The following GPR39 variants were observed in gnomAD, a reference collection of about 807,000 sequenced individuals.
The protein encoded by GPR39 is G protein-coupled receptor 39.
In GPR39, 23 loss-of-function variants were observed where a neutral mutation model predicts 18.4. The observed-to-expected ratio is 1.25, with a 90% CI of 0.90 to 1.77. The LOEUF (loss-of-function observed/expected upper bound fraction) is 1.77. GPR39 is among the 40% of genes most tolerant of loss of function. GPR39 has a pLI of 0.00. For synonymous variants in GPR39, 280 were observed against 257.9 expected (o/e 1.09, Z -0.82); for missense variants, 647 against 602.4 (o/e 1.07, Z -0.78).
intron 1 of GPR39, among the ~76,000 whole-genome samples, chr2:132,547,665 C>T (rs1679974123): frequency 6.6e-6 from 1 of 152,090 alleles, no homozygotes; most frequent in Non-Finnish European, 1.5e-5. Flanking sequence ...AATCTATCTC[C>T]CTCCCTGAGT....
At chr2:132,534,962 A>G (rs1679724166) in intron 1 of GPR39, among the ~76,000 whole-genome samples, 1 of 151,260 alleles carries the variant, frequency 6.6e-6, no homozygotes, top group Admixed American at 6.6e-5. Context: ...GACGTTGTGC[A>G]CATGTACCCT....
chr2:132,510,580 T>A (rs1679221997), intron 1 of GPR39, among the ~76,000 whole-genome samples: 1 of 152,164 alleles, frequency 6.6e-6, no homozygotes, highest in Non-Finnish European at 1.5e-5. Context: ...CTTAGCACAG[T>A]TTCCAAGTGT....
At chr2:132,584,903 T>C (rs1680697712) in intron 1 of GPR39, among the ~76,000 whole-genome samples, 1 of 152,162 alleles carries the variant, frequency 6.6e-6, no homozygotes, top group Non-Finnish European at 1.5e-5. Context: ...GAGAGAGCAT[T>C]TCTGGAGACA....
intron 1 of GPR39, among the ~76,000 whole-genome samples, chr2:132,641,282 C>G (rs1681852298): frequency 6.6e-6 from 1 of 152,162 alleles, no homozygotes; most frequent in Admixed American, 6.5e-5. Context: ...TAACCCTGTT[C>G]CTCGCTATAG....
At chr2:132,603,265 A>G (rs1433075494) in intron 1 of GPR39, among the ~76,000 whole-genome samples, 1 of 152,226 alleles carries the variant, frequency 6.6e-6, no homozygotes, top group Admixed American at 6.5e-5. Context: ...AGTTAAGTGA[A>G]ATATCGGGCA....
At chr2:132,589,427 G>C (rs1000750570) in intron 1 of GPR39, among the ~76,000 whole-genome samples, 2 of 152,224 alleles carry the variant, frequency 1.3e-5, no homozygotes, top group African/African-American at 4.8e-5. Flanking sequence ...TCTAGGCAGA[G>C]ATGTAATTTC....
intron 1 of GPR39, among the ~76,000 whole-genome samples, chr2:132,490,502 A>C (rs930322932): frequency 6.6e-6 from 1 of 151,994 alleles, no homozygotes; most frequent in Non-Finnish European, 1.5e-5. Context: ...AGGGTTTGAT[A>C]GTGAAAAAGA....
At chr2:132,453,639 C>T (rs554405740) in intron 1 of GPR39, among the ~76,000 whole-genome samples, 2 of 152,280 alleles carry the variant, frequency 1.3e-5, no homozygotes, top group African/African-American at 4.8e-5. Context: ...TTTAATCCAT[C>T]TTGAATTAAT....
chr2:132,574,265 A>G (rs1573675835), intron 1 of GPR39, among the ~76,000 whole-genome samples: 1 of 152,196 alleles, frequency 6.6e-6, no homozygotes, highest in Non-Finnish European at 1.5e-5. Flanking sequence ...TTTAAAATCT[A>G]TTGCCAATTT....
Position 132,646,279 on chromosome 2 carries a change from C to A in GPR39, c.*673C>A. 6.7e-7 allele frequency: 1 copy of A among 1,488,710 alleles called. No individual in the cohort carries two copies. The highest frequency in any genetic ancestry group is 1.4e-5 in the South Asian group (1 of 71,416). The allele number at this position is 1,488,710 out of a possible 1,614,324, so 92.2% of individuals were successfully genotyped here. A position where few individuals can be genotyped will look rare whatever the true frequency, so the allele number is the denominator to read the frequency against. ...ATGCACAGGACTTGCGGTACATGAT[C>A]CCTGTAACACAGACCCAAAGGAGCT... On this transcript the variant is annotated 3_prime_UTR_variant, in exon 2 of 2. Transcript: ENST00000329321.
chr2:132,443,659 G>A (rs1680478751), intron 1 of GPR39, among the ~76,000 whole-genome samples: 1 of 152,210 alleles, frequency 6.6e-6, no homozygotes, highest in Non-Finnish European at 1.5e-5. Context: ...CCCACAGTAA[G>A]TTGAGGAATA....
intron 1 of GPR39, among the ~76,000 whole-genome samples, chr2:132,472,727 A>G (rs1451468829): frequency 6.6e-6 from 1 of 152,140 alleles, no homozygotes; most frequent in Non-Finnish European, 1.5e-5. Context: ...AGTACCAAAT[A>G]TACCACTTTA....
intron 1 of GPR39, among the ~76,000 whole-genome samples, chr2:132,516,542 C>A (rs1352914011): frequency 6.6e-6 from 1 of 152,180 alleles, no homozygotes; most frequent in Non-Finnish European, 1.5e-5. Flanking sequence ...AAAGAACATA[C>A]AATGTCAGTG....
At chr2:132,515,220 C>A (rs77070552) in intron 1 of GPR39, among the ~76,000 whole-genome samples, 1 of 152,284 alleles carries the variant, frequency 6.6e-6, no homozygotes, top group East Asian at 1.9e-4. Context: ...CCCCTTCCAG[C>A]CTAAGTCTCC....
At chr2:132,641,702 G>A (rs1681859378) in intron 1 of GPR39, among the ~76,000 whole-genome samples, 1 of 152,128 alleles carries the variant, frequency 6.6e-6, no homozygotes. Context: ...TATTAAAATT[G>A]TTTTCACCCA....
At chr2:132,472,416 T>C (rs957134354) in intron 1 of GPR39, among the ~76,000 whole-genome samples, 9 of 152,158 alleles carry the variant, frequency 5.9e-5, no homozygotes, top group African/African-American at 2.2e-4. Flanking sequence ...CCACAGGCCA[T>C]GTTTCCCTGA....
chr2:132,471,760 G>A (rs1372326946), intron 1 of GPR39, among the ~76,000 whole-genome samples: 2 of 151,522 alleles, frequency 1.3e-5, no homozygotes, highest in Non-Finnish European at 2.9e-5. Flanking sequence ...GCAAAGATTA[G>A]TTAGCCCCAG....
intron 1 of GPR39, among the ~76,000 whole-genome samples, chr2:132,499,709 T>A (rs1382533032): frequency 6.6e-6 from 1 of 152,216 alleles, no homozygotes; most frequent in Admixed American, 6.5e-5. Context: ...ATGGGATATG[T>A]TTCCGTTTGT....
intron 1 of GPR39, among the ~76,000 whole-genome samples, chr2:132,476,131 A>T (rs1250725632): frequency 6.6e-6 from 1 of 151,956 alleles, no homozygotes; most frequent in Non-Finnish European, 1.5e-5. Context: ...ACCTTTCCAC[A>T]TTCATGGATA....
Sources: allele counts gnomAD v4.1 joint callset (sites outside exome capture counted in the v4.1 genomes callset), GRCh38; gene constraint gnomAD v4.1.1; transcripts MANE v1.5; gene names NCBI Gene and HGNC (gene_info 2026-07-23, HGNC 2026-07-21).